ADK: variants seen among roughly 807,000 people sequenced by gnomAD.
ADK encodes the protein adenosine kinase, also known as N6,N6-dimethyladenosine kinase.
Under a neutral mutation model 44.7 loss-of-function variants are expected in ADK, and 24 were observed. That is an observed-to-expected ratio of 0.54 (90% CI 0.39 to 0.76). The LOEUF (loss-of-function observed/expected upper bound fraction) is 0.76, where lower values mean the gene tolerates loss of function less well. Among genes scored for constraint, ADK ranks in the 30% least tolerant of loss-of-function variants. The pLI, the probability that ADK is intolerant of heterozygous loss-of-function variation, is 0.00. For missense variants in ADK, 321 were observed against 425.1 expected, an observed-to-expected ratio of 0.76 and a Z score of 2.15; for synonymous variants, 128 against 142.6, an observed-to-expected ratio of 0.90 and a Z score of 0.73.
chr10:74,648,852 G>A (rs776658334), intron 9 of ADK, among the ~76,000 whole-genome samples: 1 of 152,064 alleles, frequency 6.6e-6, no homozygotes, highest in Admixed American at 6.5e-5. Context: ...ATGAATTTAG[G>A]ATTTTAATTG....
chr10:74,208,146 G>C (rs1010013666), intron 2 of ADK, among the ~76,000 whole-genome samples: 1 of 152,274 alleles, frequency 6.6e-6, no homozygotes, highest in Non-Finnish European at 1.5e-5. Flanking sequence ...ATGGGAACAG[G>C]CACTTCTGAG....
intron 1 of ADK, chr10:74,176,693 C>T (rs1842350817): frequency 1.4e-6 from 2 of 1,457,274 alleles, no homozygotes; most frequent in Non-Finnish European, 1.8e-6. Flanking sequence ...GCCCGCCTTC[C>T]CTCCAATCAG....
At chr10:74,703,199 G>A (rs147251201) in intron 10 of ADK, among the ~76,000 whole-genome samples, 213 of 152,118 alleles carry the variant, frequency 1.4e-3, no homozygotes, top group Middle Eastern at 3.4e-3. Flanking sequence ...TGGGATAAGC[G>A]CGTCAGACAC....
chr10:74,407,791 T>C (rs1844002939), intron 6 of ADK, among the ~76,000 whole-genome samples: 1 of 152,228 alleles, frequency 6.6e-6, no homozygotes, highest in African/African-American at 2.4e-5. Context: ...GCGCTTACCT[T>C]ATTCTGCCCC....
intron 1 of ADK, among the ~76,000 whole-genome samples, chr10:74,182,786 G>A (rs1443843277): frequency 6.6e-6 from 1 of 152,180 alleles, no homozygotes; most frequent in Non-Finnish European, 1.5e-5. Flanking sequence ...ATATTGCTAC[G>A]TTAAGCAGAA....
intron 7 of ADK, among the ~76,000 whole-genome samples, chr10:74,564,310 A>G (rs886121975): frequency 5.9e-5 from 9 of 152,158 alleles, no homozygotes; most frequent in Admixed American, 1.3e-4. Flanking sequence ...AAAAAGAAAA[A>G]CACTATATTA....
chr10:74,390,137 A>C (rs545870893), intron 4 of ADK, among the ~76,000 whole-genome samples: 1 of 152,242 alleles, frequency 6.6e-6, no homozygotes, highest in African/African-American at 2.4e-5. Context: ...AAAGTAAGTT[A>C]TAGAATAACA....
intron 2 of ADK, among the ~76,000 whole-genome samples, chr10:74,222,767 A>G (rs1466753430): frequency 6.6e-6 from 1 of 151,360 alleles, no homozygotes; most frequent in Non-Finnish European, 1.5e-5. Flanking sequence ...AAGAACAAAA[A>G]ACCAAACACC....
intron 3 of ADK, among the ~76,000 whole-genome samples, chr10:74,288,777 T>C (rs1169760863): frequency 6.6e-6 from 1 of 152,244 alleles, no homozygotes; most frequent in Non-Finnish European, 1.5e-5. Flanking sequence ...TAGAGGTATC[T>C]CTTTATGTAC....
rs1335111802 is a variant in ADK at position 74,547,442 on chromosome 10, ATATATTTATT to A, written c.726+22020_726+22029del. Among the ~76,000 whole-genome samples, 170 of 20,488 alleles carry A rather than the reference ATATATTTATT, an allele frequency of 8.3e-3. 1 individual carries two copies. Among genetic ancestry groups the A allele is most frequent in the African/African-American group, 0.017 (160 of 9,480 alleles). 13.4% of individuals were successfully genotyped at this position (20,488 alleles called of 152,430 possible). A position where few individuals can be genotyped will look rare whatever the true frequency, so the allele number is the denominator to read the frequency against. On this transcript the variant is annotated intron_variant, in intron 7 of 10. Coordinates refer to ENST00000539909, the MANE Select transcript of ADK (RefSeq NM_006721.4). The stretch of plus-strand genomic sequence containing the variant: ...CATTTTTCCCACTTTATATATATAT[ATATATTTATT>A]TATTTATTTATTTATTTATTTTTAT...
chr10:74,458,910 A>G (rs1483370274), intron 6 of ADK, among the ~76,000 whole-genome samples: 4 of 152,208 alleles, frequency 2.6e-5, no homozygotes, highest in African/African-American at 9.6e-5. Context: ...TGACCAAAAT[A>G]TTTTAAAAAC....
At chr10:74,422,515 T>C (rs1046876420) in intron 6 of ADK, among the ~76,000 whole-genome samples, 3 of 152,204 alleles carry the variant, frequency 2.0e-5, no homozygotes, top group African/African-American at 7.2e-5. Context: ...TGGCCAAATG[T>C]ACCACAGTAA....
intron 3 of ADK, among the ~76,000 whole-genome samples, chr10:74,238,880 T>TTTTTTTA: frequency 6.9e-6 from 1 of 145,884 alleles, no homozygotes; most frequent in Non-Finnish European, 1.5e-5. Flanking sequence ...TTTTTTTTTT[T>TTTTTTTA]AAGACGGAGT....
Position 74,201,696 on chromosome 10 carries a change from C to G in ADK, c.140+858C>G, listed in dbSNP as rs56821284. ...TGTATGTATCTATCTATCTATCTAT[C>G]TATCTATCTATCTATCTATCTATCT... On this transcript the variant is annotated intron_variant, in intron 2 of 10. Transcript: ENST00000539909. Among the ~76,000 whole-genome samples the G allele has an allele frequency of 8.6e-3, 1,216 of 141,476 alleles. 13 individuals carry two copies. The highest frequency in any genetic ancestry group is 0.026 in the African/African-American group (840 of 32,794). The allele number at this position is 141,476 out of a possible 152,430, so 92.8% of individuals were successfully genotyped here.
intron 9 of ADK, among the ~76,000 whole-genome samples, chr10:74,606,891 T>C (rs1219604361): frequency 6.6e-6 from 1 of 152,216 alleles, no homozygotes; most frequent in African/African-American, 2.4e-5. Context: ...CTCTAAGAAC[T>C]TGCTTTATGA....
At chr10:74,659,953 A>G (rs1854637003) in intron 9 of ADK, among the ~76,000 whole-genome samples, 2 of 152,190 alleles carry the variant, frequency 1.3e-5, no homozygotes, top group Non-Finnish European at 2.9e-5. Context: ...AATCCAATCA[A>G]GTTGACCCTC....
At chr10:74,389,349 G>A (rs1350601239) in intron 4 of ADK, among the ~76,000 whole-genome samples, 1 of 152,096 alleles carries the variant, frequency 6.6e-6, no homozygotes, top group African/African-American at 2.4e-5. Context: ...TGGCAGACAT[G>A]CATTAAATGT....
intron 7 of ADK, among the ~76,000 whole-genome samples, chr10:74,541,704 G>A (rs1273021863): frequency 6.6e-6 from 1 of 150,594 alleles, no homozygotes. Context: ...GAGGCAGGAG[G>A]ATTGCTTGAG....
chr10:74,609,699 A>G (rs988807542), intron 9 of ADK, among the ~76,000 whole-genome samples: 2 of 152,078 alleles, frequency 1.3e-5, no homozygotes, highest in Non-Finnish European at 2.9e-5. Flanking sequence ...CTTGCCAGCC[A>G]CCCAAACCTA....
Sources: allele counts gnomAD v4.1 joint callset (sites outside exome capture counted in the v4.1 genomes callset), GRCh38; gene constraint gnomAD v4.1.1; transcripts MANE v1.5; gene names NCBI Gene and HGNC (gene_info 2026-07-23, HGNC 2026-07-21).